PPP1R16A: variants seen among roughly 807,000 people sequenced by gnomAD.
The protein encoded by PPP1R16A is myosin phosphatase-targeting subunit 3.
In PPP1R16A, 39 loss-of-function variants were observed where a neutral mutation model predicts 46.6. That is an observed-to-expected ratio of 0.84 (90% confidence interval 0.65 to 1.09). The LOEUF (loss-of-function observed/expected upper bound fraction) is 1.09. Among genes scored for constraint, PPP1R16A ranks in the 50% least tolerant of loss-of-function variants. PPP1R16A has a pLI of 0.00. For missense variants in PPP1R16A, 798 were observed against 735.6 expected, an observed-to-expected ratio of 1.08 and a Z score of -0.98; for synonymous variants, 413 against 321.5, an observed-to-expected ratio of 1.28 and a Z score of -3.04.
intron 2 of PPP1R16A, among the ~76,000 whole-genome samples, chr8:144,494,025 T>C (rs916846166): frequency 6.6e-6 from 1 of 152,188 alleles, no homozygotes; most frequent in Non-Finnish European, 1.5e-5. Flanking sequence ...AGACAGGCGT[T>C]CCGTCGGGAG....
chr8:144,478,065 G>GGGGCCCACTGACCCGCGGAAGCCAGC lies in PPP1R16A; in HGVS notation c.-973_-948dup, dbSNP rs1825247584. On this transcript the variant is annotated 5_prime_UTR_variant, in exon 1 of 12. The change abolishes the stop of an existing upstream ORF in the 5' untranslated region. Coordinates refer to ENST00000435887, the MANE Select transcript of PPP1R16A (RefSeq NM_001329443.2). ...GCCCCCGCAGCGCCTCAGGGAGCGC[G>GGGGCCCACTGACCCGCGGAAGCCAGC]GGGCCCACTGACCCGCGGAAGCCAG... 2.5e-6 allele frequency: 1 copy of GGGGCCCACTGACCCGCGGAAGCCAGC among 395,516 alleles called. No homozygotes were observed. The highest frequency in any genetic ancestry group is 2.1e-5 in the African/African-American group (1 of 48,448). The allele number at this position is 395,516 out of a possible 1,614,324, so 24.5% of individuals were successfully genotyped here.
chr8:144,501,393 G>C, intron 11 of PPP1R16A, 99 bp downstream of exon 11: 2 of 1,487,408 alleles, frequency 1.3e-6, no homozygotes, highest in Non-Finnish European at 8.9e-7. Flanking sequence ...GTCAGGAATG[G>C]TGCCCTGCAG....
chr8:144,497,738 C>T (rs570871499), intron 3 of PPP1R16A: 1 of 550,154 alleles, frequency 1.8e-6, no homozygotes. Context: ...CATGAGTGGA[C>T]CCCCAGGAGC....
At chr8:144,484,342 G>T (rs907172196) in intron 1 of PPP1R16A, among the ~76,000 whole-genome samples, 1 of 152,248 alleles carries the variant, frequency 6.6e-6, no homozygotes, top group Non-Finnish European at 1.5e-5. Flanking sequence ...CATCTACTCC[G>T]TGGGGGTTAT....
In PPP1R16A at chr8:144,501,268, G is replaced by A. The variant is rs199705423; in HGVS notation, c.1177G>A (p.Ala393Thr). 5 of 1,598,278 alleles carry A rather than the reference G, an allele frequency of 3.1e-6. No homozygotes were observed. The highest frequency in any genetic ancestry group is 4.2e-6 in the Non-Finnish European group (5 of 1,176,736). Reference sequence around the variant, plus strand: ...GGACAACGATGACCGCCAGACAGGCGCAGAGCTCAGGCCGCCGCCCCCGGA... The same window carrying A: ...GGACAACGATGACCGCCAGACAGGCACAGAGCTCAGGCCGCCGCCCCCGGA... ...PEDNDDRQTG[A>T]ELRPPPPEED... Residue 393 changes from alanine (A) to threonine (T), a missense_variant, in exon 11 of 12, where the codon GCA (alanine) becomes ACA (threonine). Coordinates refer to ENST00000435887, the MANE Select transcript of PPP1R16A (RefSeq NM_001329443.2).
Position 144,478,044 on chromosome 8 carries a change from C to G in PPP1R16A, c.-997C>G, listed in dbSNP as rs992019681. On this transcript the variant is annotated 5_prime_UTR_variant, in exon 1 of 12. Coordinates refer to ENST00000435887, the MANE Select transcript of PPP1R16A (RefSeq NM_001329443.2). ...CGAGGGCCGGGTGCGGGGCCCGCCC[C>G]CGCAGCGCCTCAGGGAGCGCGGGGC... The G allele has an allele frequency of 2.5e-6, 1 of 394,662 alleles. No individual in the cohort carries two copies. Among genetic ancestry groups the G allele is most frequent in the African/African-American group, 2.1e-5 (1 of 48,414 alleles). 24.4% of individuals were successfully genotyped at this position (394,662 alleles called of 1,614,324 possible). A position where few individuals can be genotyped will look rare whatever the true frequency, so the allele number is the denominator to read the frequency against.
At chr8:144,497,742 C>A (rs548793562) in intron 3 of PPP1R16A, 3 of 542,778 alleles carry the variant, frequency 5.5e-6, no homozygotes, top group African/African-American at 3.8e-5. Flanking sequence ...AGTGGACCCC[C>A]AGGAGCCTGC....
At chr8:144,499,179 G>A (rs1422634343) in intron 5 of PPP1R16A, 118 bp downstream of exon 5, 5 of 1,286,370 alleles carry the variant, frequency 3.9e-6, no homozygotes, top group Non-Finnish European at 5.2e-6. Context: ...CTTCACCTTT[G>A]CTGACCCTGC....
intron 1 of PPP1R16A, among the ~76,000 whole-genome samples, chr8:144,481,989 G>A (rs1186426585): frequency 8.5e-6 from 1 of 117,444 alleles, no homozygotes; most frequent in Non-Finnish European, 1.8e-5. Context: ...ATGCTGGCCA[G>A]GCTGGTCTCG....
At position 144,496,083 on chromosome 8, in the gene PPP1R16A, C is replaced by G. The variant is rs1275620862; in HGVS notation, c.-734-378C>G. 3.9e-5 allele frequency: 6 copies of G among 152,538 alleles called. No individual in the cohort carries two copies. The East Asian group carries it at 1.2e-3, about 30-fold the overall frequency. 9.4% of individuals were successfully genotyped at this position (152,538 alleles called of 1,614,324 possible). A position where few individuals can be genotyped will look rare whatever the true frequency, so the allele number is the denominator to read the frequency against. ...GGGCCTGCCCTTGGAAGGCAGTAGC[C>G]TGCAAAGCCCTCAAGGCTGTTCCAC... On this transcript the variant is annotated intron_variant, in intron 2 of 11. Coordinates refer to ENST00000435887, the MANE Select transcript of PPP1R16A (RefSeq NM_001329443.2).
intron 1 of PPP1R16A, among the ~76,000 whole-genome samples, chr8:144,484,409 C>A (rs1011434496): frequency 2.0e-5 from 3 of 152,314 alleles, no homozygotes; most frequent in Admixed American, 6.5e-5. Context: ...CTGCTTGTGG[C>A]CCTGGCTTCT....
At position 144,501,217 on chromosome 8, in the gene PPP1R16A, C is replaced by T. The variant is rs1433674840; in HGVS notation, c.1126C>T (p.Pro376Ser). 2 of 1,608,158 alleles carry T rather than the reference C, an allele frequency of 1.2e-6. No homozygotes were observed. Among genetic ancestry groups the T allele is most frequent in the African/African-American group, 2.7e-5 (2 of 74,892 alleles). ...AQEAIVWQQP[P>S]PTSPEPPEDN... ...GGAGGCCATCGTGTGGCAACAGCCG[C>T]CGCCCACCAGCCCGGAGCCGCCCGA... The change falls in exon 11 of 12, where the codon CCG becomes TCG. Residue 376 changes from proline (P) to serine (S), a missense_variant. Pro to Ser is a moderately conservative substitution (Grantham distance 74, BLOSUM62 -1). Transcript: ENST00000435887.
chr8:144,491,929 C>T (rs1825826270), intron 2 of PPP1R16A, among the ~76,000 whole-genome samples: 1 of 152,192 alleles, frequency 6.6e-6, no homozygotes. Flanking sequence ...GAGACCCTGT[C>T]TCTTAAAAAA....
chr8:144,501,346 C>T (rs1362063372), intron 11 of PPP1R16A, 52 bp downstream of exon 11: 2 of 1,524,212 alleles, frequency 1.3e-6, no homozygotes, highest in Non-Finnish European at 1.8e-6. Context: ...CTGGCTCTGC[C>T]CTGGTTCTCT....
At chr8:144,490,838 T>C (rs760084254) in intron 2 of PPP1R16A, among the ~76,000 whole-genome samples, 23 of 152,268 alleles carry the variant, frequency 1.5e-4, no homozygotes, top group Non-Finnish European at 2.9e-4. Context: ...GAGGGTCGCG[T>C]CAGCCCAGGA....
chr8:144,499,277 C>A, intron 5 of PPP1R16A: 1 of 607,556 alleles, frequency 1.6e-6, no homozygotes, highest in Non-Finnish European at 2.7e-6. Flanking sequence ...CCCCAGCATT[C>A]GTCCTCCTGC....
chr8:144,498,597 G>A (rs544152811), intron 3 of PPP1R16A, 173 bp from the exon 4 acceptor site: 30 of 623,478 alleles, frequency 4.8e-5, no homozygotes, highest in Non-Finnish European at 7.5e-5. Context: ...GAGTGTGACC[G>A]GCCTGGGCCA....
chr8:144,499,839 G>A (rs984904536), intron 5 of PPP1R16A: 5 of 486,914 alleles, frequency 1.0e-5, no homozygotes, highest in Middle Eastern at 5.5e-4. Flanking sequence ...CATGTTTATG[G>A]GGGCACCGCT....
At chr8:144,482,075 TGCC>T (rs59209733) in intron 1 of PPP1R16A, among the ~76,000 whole-genome samples, 58,143 of 150,956 alleles carry the variant, frequency 0.39, 13,116 homozygotes, top group South Asian at 0.57. Flanking sequence ...TGTGCCCGGC[TGCC>T]GCCGCCGCCG....
Sources: allele counts gnomAD v4.1 joint callset (sites outside exome capture counted in the v4.1 genomes callset), GRCh38; gene constraint gnomAD v4.1.1; transcripts MANE v1.5; gene names NCBI Gene and HGNC (gene_info 2026-07-23, HGNC 2026-07-21).